EFCC1: variants seen among roughly 807,000 people sequenced by gnomAD.
The protein encoded by EFCC1 is EF-hand and coiled-coil domain-containing protein 1.
A neutral mutation model predicts 52.1 loss-of-function variants in EFCC1; 50 were observed. The observed-to-expected ratio is 0.96, with a 90% CI of 0.76 to 1.21. The LOEUF is 1.21. Ranked by LOEUF, EFCC1 falls within the 50% of genes most tolerant of loss-of-function variation. EFCC1 has a pLI of 0.00. For missense variants in EFCC1, 837 were observed against 867.3 expected (o/e 0.97, Z 0.44); for synonymous variants, 399 against 396.5 (o/e 1.01, Z -0.08).
In EFCC1 at chr3:129,038,910, C is replaced by T. The variant is rs372442195; in HGVS notation, c.1663+10C>T. ...AGGGACCCCACCCACGGTAGGAGAG[C>T]ACCCTAGTCTCTCAGAGCCCACGCA... is the stretch of plus-strand genomic sequence containing the variant. On this transcript the variant is annotated intron_variant, in intron 7 of 7. Coordinates refer to ENST00000683648, the MANE Select transcript of EFCC1 (RefSeq NM_001377500.1). 16 of 1,613,036 alleles carry T rather than the reference C, an allele frequency of 9.9e-6. No individual in the cohort carries two copies. The highest frequency in any genetic ancestry group is 1.4e-5 in the Non-Finnish European group (16 of 1,179,468).
chr3:129,032,026 G>C (rs934446408), intron 3 of EFCC1, among the ~76,000 whole-genome samples: 1 of 152,150 alleles, frequency 6.6e-6, no homozygotes, highest in African/African-American at 2.4e-5. Context: ...GACTGAGGTT[G>C]GGCAGCAGAA....
At chr3:129,022,171 C>T (rs1945880754) in intron 2 of EFCC1, among the ~76,000 whole-genome samples, 1 of 152,204 alleles carries the variant, frequency 6.6e-6, no homozygotes, top group Non-Finnish European at 1.5e-5. Flanking sequence ...TTACCAGGGG[C>T]AGGAGCTCCA....
In EFCC1 at chr3:129,017,345, C is replaced by G. The variant is rs144176306; in HGVS notation, c.980+13268C>G. On this transcript the variant is annotated intron_variant, in intron 2 of 7. Coordinates refer to ENST00000683648, the MANE Select transcript of EFCC1 (RefSeq NM_001377500.1). ...ATTTGGTTTCTATCACAACCATAGC[C>G]GATCACCACACTCTTAGTGACTTGA... Among the ~76,000 whole-genome samples, 403 of 152,308 alleles carry G rather than the reference C, an allele frequency of 2.6e-3. 3 individuals carry two copies. Among genetic ancestry groups the G allele is most frequent in the African/African-American group, 9.1e-3 (379 of 41,562 alleles).
At chr3:129,022,072 G>C (rs1024068470) in intron 2 of EFCC1, among the ~76,000 whole-genome samples, 2 of 152,204 alleles carry the variant, frequency 1.3e-5, no homozygotes, top group Non-Finnish European at 2.9e-5. Context: ...CCGTGTGCTG[G>C]TGTCTAAGCA....
intron 2 of EFCC1, among the ~76,000 whole-genome samples, chr3:129,013,183 C>A (rs986523874): frequency 1.3e-5 from 2 of 152,122 alleles, no homozygotes; most frequent in African/African-American, 4.8e-5. Context: ...GGGTGGGCAT[C>A]ATGATCGCCA....
rs931134536 is a variant in EFCC1 at position 129,003,989 on chromosome 3, C to G, written c.892C>G (p.Arg298Gly). The G allele has an allele frequency of 3.4e-5, 51 of 1,498,932 alleles. No homozygotes were observed. Among genetic ancestry groups the G allele is most frequent in the Non-Finnish European group, 4.3e-5 (49 of 1,131,714 alleles). 92.9% of individuals were successfully genotyped at this position (1,498,932 alleles called of 1,614,324 possible). A position where few individuals can be genotyped will look rare whatever the true frequency, so the allele number is the denominator to read the frequency against. The change falls in exon 2 of 8, where the codon CGC becomes GGC. Residue 298 changes from arginine to glycine, a missense_variant. Coordinates refer to ENST00000683648, the MANE Select transcript of EFCC1 (RefSeq NM_001377500.1). ...GCAGGTGGTGCTGCGCAGCCTGCAC[C>G]GCGTGCGAGAGCTGGAGGCGCTGGC... Reference protein sequence around the residue: ...ARQVVLRSLHRVRELEALAQQ... With the variant: ...ARQVVLRSLHGVRELEALAQQ...
At chr3:129,028,445 G>T (rs1946191816) in intron 2 of EFCC1, among the ~76,000 whole-genome samples, 1 of 152,128 alleles carries the variant, frequency 6.6e-6, no homozygotes, top group Middle Eastern at 3.2e-3. Context: ...CTCATTCTTA[G>T]ACCAAACACA....
chr3:129,002,543 G>A, intron 1 of EFCC1: 2 of 933,538 alleles, frequency 2.1e-6, no homozygotes, highest in South Asian at 2.4e-5. Context: ...TTCCATTCCT[G>A]AAAACCCCAA....
intron 2 of EFCC1, among the ~76,000 whole-genome samples, chr3:129,012,938 G>A (rs1285906251): frequency 2.0e-5 from 3 of 152,134 alleles, no homozygotes; most frequent in Non-Finnish European, 2.9e-5. Context: ...GCGCATGGAT[G>A]GTTTTCTTTA....
chr3:129,011,177 AC>A (rs1945309786), intron 2 of EFCC1, among the ~76,000 whole-genome samples: 1 of 152,212 alleles, frequency 6.6e-6, no homozygotes, highest in African/African-American at 2.4e-5. Context: ...TGATAATAAT[AC>A]CCACTTCATG....
At chr3:129,027,325 G>A (rs545003147) in intron 2 of EFCC1, among the ~76,000 whole-genome samples, 51 of 152,246 alleles carry the variant, frequency 3.3e-4, no homozygotes, top group African/African-American at 9.6e-4. Flanking sequence ...GGGGGCCCCG[G>A]CGCCCGTGCC....
At chr3:129,036,841 G>T in intron 5 of EFCC1, 136 bp from the exon 6 acceptor site, 1 of 1,259,934 alleles carries the variant, frequency 7.9e-7, no homozygotes, top group East Asian at 2.4e-5. Context: ...AGTCCAACCC[G>T]CTGTGTGGCT....
chr3:129,011,981 TC>T, intron 2 of EFCC1, among the ~76,000 whole-genome samples: 1 of 152,316 alleles, frequency 6.6e-6, no homozygotes, highest in Non-Finnish European at 1.5e-5. Context: ...CTGGATTCAG[TC>T]CACGAGTCTG....
In EFCC1 at chr3:129,027,099, A is replaced by G. The variant is rs75789267; in HGVS notation, c.981-3604A>G. ...GGCACAACTTCCCGCTTCGTCGGTCATCATGCTCCGCGCCCTCAGGCAGTC... is the reference window on the plus strand; with the variant it reads ...GGCACAACTTCCCGCTTCGTCGGTCGTCATGCTCCGCGCCCTCAGGCAGTC... On this transcript the variant is annotated intron_variant, in intron 2 of 7. Transcript: ENST00000683648. Among the ~76,000 whole-genome samples, 9 of 152,292 alleles carry G rather than the reference A, an allele frequency of 5.9e-5. 1 individual carries two copies. In the East Asian group the frequency reaches 1.5e-3, roughly 26 times the overall value.
chr3:129,009,384 TC>T (rs1324243555), intron 2 of EFCC1, among the ~76,000 whole-genome samples: 8 of 152,094 alleles, frequency 5.3e-5, no homozygotes, highest in Non-Finnish European at 1.0e-4. Flanking sequence ...GCAAATTCTC[TC>T]CCCCAGTAGC....
At chr3:129,002,464 A>G in intron 1 of EFCC1, 140 bp downstream of exon 1, 2 of 1,378,172 alleles carry the variant, frequency 1.5e-6, no homozygotes, top group Non-Finnish European at 9.3e-7. Flanking sequence ...ACTCCGCATC[A>G]GCACACTTGC....
At position 129,038,834 on chromosome 3, in the gene EFCC1, A is replaced by G. The variant is rs770055006; in HGVS notation, c.1597A>G (p.Ile533Val). ...CTTGTTTCCATTTCTTTTTAAGAAC[A>G]TATCGAAAAGAGCCCTGGGGAAGAT... ...QLLQRLRDLN[I>V]SKRALGKILL... The change falls in exon 7 of 8, where the codon ATA becomes GTA. Residue 533 changes from isoleucine (I) to valine (V), a missense_variant. Coordinates refer to ENST00000683648, the MANE Select transcript of EFCC1 (RefSeq NM_001377500.1). 2 of 1,613,706 alleles carry G rather than the reference A, an allele frequency of 1.2e-6. No homozygotes were observed. Among genetic ancestry groups the G allele is most frequent in the East Asian group, 2.2e-5 (1 of 44,882 alleles).
rs1224901357 is a variant in EFCC1, at chr3:129,004,089, C to T, written c.980+12C>T. On this transcript the variant is annotated intron_variant, in intron 2 of 7. Transcript: ENST00000683648. ...CTGCAACGCTACAGGTGAGCGGGGGCGCGTGCCCTGGGCCCAAGTTCCCCA... is the reference window on the plus strand; with the variant it reads ...CTGCAACGCTACAGGTGAGCGGGGGTGCGTGCCCTGGGCCCAAGTTCCCCA... The T allele has an allele frequency of 3.4e-6, 5 of 1,480,586 alleles. No homozygotes were observed. The highest frequency in any genetic ancestry group is 4.5e-6 in the Non-Finnish European group (5 of 1,121,664). The allele number at this position is 1,480,586 out of a possible 1,614,324, so 91.7% of individuals were successfully genotyped here.
At chr3:129,003,285 C>T in intron 1 of EFCC1, 1 of 985,314 alleles carries the variant, frequency 1.0e-6, no homozygotes, top group Non-Finnish European at 1.2e-6. Context: ...ATCTCTCATG[C>T]TTGGTATTTA....
Sources: allele counts gnomAD v4.1 joint callset (sites outside exome capture counted in the v4.1 genomes callset), GRCh38; gene constraint gnomAD v4.1.1; transcripts MANE v1.5; gene names NCBI Gene and HGNC (gene_info 2026-07-23, HGNC 2026-07-21).